Variants in HMCN2 observed in about 807,000 individuals in gnomAD.
HMCN2 encodes the protein hemicentin 2, also known as hemicentin-2.
A neutral mutation model predicts 377.5 loss-of-function variants in HMCN2; 325 were observed. The ratio of observed to expected loss-of-function variants is 0.86; its 90% confidence interval spans 0.79 to 0.94. The LOEUF is 0.94. HMCN2 is among the 40% of genes least tolerant of loss of function. The pLI is 0.00. For missense variants in HMCN2, 4,543 were observed against 4,725.3 expected (o/e 0.96, Z 1.13); for synonymous variants, 2,007 against 2,046.8 (o/e 0.98, Z 0.53).
At chr9:130,297,535 G>T (rs1443143803) in intron 7 of HMCN2, among the ~76,000 whole-genome samples, 1 of 152,196 alleles carries the variant, frequency 6.6e-6, no homozygotes, top group Non-Finnish European at 1.5e-5. Flanking sequence ...GGGCCATTTG[G>T]AGACTTTTGC....
In HMCN2 at chr9:130,398,638, C is replaced by A. The variant is rs1029964527; in HGVS notation, c.11414C>A (p.Pro3805His). ...ALLPCEASGS[P>H]KPLVVWWKDG... ...CTGCCCTGCGAGGCCAGCGGCTCCC[C>A]TAAGCCCCTGGTGGTCTGGTGGAAG... is the stretch of plus-strand genomic sequence containing the variant. Residue 3805 changes from proline to histidine, a missense_variant, in exon 75 of 98, where the codon CCT (proline) becomes CAT (histidine). By Grantham distance (77) the Pro-to-His change is moderately conservative (BLOSUM62 -2). This residue lies in a region of HMCN2 where 1,073 missense variants were observed against 1,319.5 expected (regional missense o/e 0.81). Coordinates refer to ENST00000683500, the MANE Select transcript of HMCN2 (RefSeq NM_001291815.2). 11 of 1,289,410 alleles carry A rather than the reference C, an allele frequency of 8.5e-6. No individual in the cohort carries two copies. The African/African-American group carries it at 1.5e-4, about 18-fold the overall frequency. 79.9% of individuals were successfully genotyped at this position (1,289,410 alleles called of 1,614,324 possible).
At position 130,395,337 on chromosome 9, in the gene HMCN2, T is replaced by C. The variant is rs1277498269; in HGVS notation, c.10901T>C (p.Ile3634Thr). 7.8e-7 allele frequency: 1 copy of C among 1,288,376 alleles called. No homozygotes were observed. Among genetic ancestry groups the C allele is most frequent in the Non-Finnish European group, 1.0e-6 (1 of 988,200 alleles). 79.8% of individuals were successfully genotyped at this position (1,288,376 alleles called of 1,614,324 possible). A position where few individuals can be genotyped will look rare whatever the true frequency, so the allele number is the denominator to read the frequency against. Residue 3634 changes from isoleucine (I) to threonine (T), a missense_variant, in exon 71 of 98, where the codon ATT becomes ACT. Physicochemically the swap from Ile to Thr is moderately conservative, Grantham distance 89. Coordinates refer to ENST00000683500, the MANE Select transcript of HMCN2 (RefSeq NM_001291815.2). ...APKITWHRDGIVLQEDAHTQF... is the reference protein window; with the variant it reads ...APKITWHRDGTVLQEDAHTQF... Reference sequence around the variant, plus strand: ...AAGATCACGTGGCACCGAGACGGCATTGTGCTGCAGGTGGGCGCCAGGCAG... The same window carrying C: ...AAGATCACGTGGCACCGAGACGGCACTGTGCTGCAGGTGGGCGCCAGGCAG...
chr9:130,323,159 C>A (rs1040635447), intron 19 of HMCN2, among the ~76,000 whole-genome samples: 108 of 152,318 alleles, frequency 7.1e-4, no homozygotes, highest in African/African-American at 2.5e-3. Context: ...TTCTGTGGGG[C>A]TAACATGAAC....
intron 25 of HMCN2, among the ~76,000 whole-genome samples, chr9:130,342,706 G>A (rs1486883913): frequency 1.3e-5 from 2 of 152,142 alleles, no homozygotes; most frequent in East Asian, 3.9e-4. Flanking sequence ...GGACAAGTGT[G>A]ACCCCTGCCC....
At chr9:130,295,896 G>A (rs1836119874) in intron 6 of HMCN2, 124 bp downstream of exon 6, 1 of 392,896 alleles carries the variant, frequency 2.5e-6, no homozygotes, top group South Asian at 1.9e-5. Context: ...GGGTGGTGAT[G>A]TGGTCGTATC....
chr9:130,433,854 C>A lies in HMCN2; in HGVS notation c.*161C>A, dbSNP rs895980886. The A allele has an allele frequency of 9.6e-6, 6 of 624,526 alleles. No individual in the cohort carries two copies. The Admixed American group carries it at 1.7e-4, about 17-fold the overall frequency. 38.7% of individuals were successfully genotyped at this position (624,526 alleles called of 1,614,324 possible). A position where few individuals can be genotyped will look rare whatever the true frequency, so the allele number is the denominator to read the frequency against. ...AACACGACCCTGCGCACAGCCTTGA[C>A]CCCCGACAGCGAGGACCTGACCTCA... On this transcript the variant is annotated 3_prime_UTR_variant, in exon 98 of 98. Transcript: ENST00000683500.
Position 130,430,368 on chromosome 9 carries a change from C to T in HMCN2, c.14411C>T (p.Pro4804Leu), listed in dbSNP as rs745796380. 133 of 1,549,750 alleles carry T rather than the reference C, an allele frequency of 8.6e-5. No individual in the cohort carries two copies. The African/African-American group carries it at 1.6e-3, about 18-fold the overall frequency. The change falls in exon 95 of 98, where the codon CCA (proline) becomes CTA (leucine). Residue 4804 changes from proline (P) to leucine (L), a missense_variant. Pro to Leu is a moderately conservative substitution (Grantham distance 98). This residue lies in a region of HMCN2 where 1,155 missense variants were observed against 1,157.7 expected (regional missense o/e 1.00). Coordinates refer to ENST00000683500, the MANE Select transcript of HMCN2 (RefSeq NM_001291815.2). ...GGCAGCTACCGCTGCCTGTGCCCCC[C>T]AGGCCAGACCCTCCTTCGCGACGGC... The part of the protein sequence containing the change: ...LQGSYRCLCP[P>L]GQTLLRDGKA...
intron 19 of HMCN2, among the ~76,000 whole-genome samples, chr9:130,322,637 A>G (rs999929906): frequency 0.88 from 133,968 of 152,222 alleles, 59,283 homozygotes; most frequent in East Asian, 0.97. Context: ...CCTCGTACCT[A>G]CACATTGTAG....
Position 130,358,063 on chromosome 9 carries a change from ACT to A in HMCN2, c.5580+78_5580+79del, listed in dbSNP as rs1369159971. ...GGGCTGCTCTGGGGGCTTCCTGGAGACTCTGAGCAAATCCCAGCAGGCTGGGC... is the reference window on the plus strand; with the variant it reads ...GGGCTGCTCTGGGGGCTTCCTGGAGACTGAGCAAATCCCAGCAGGCTGGGC... On this transcript the variant is annotated intron_variant, in intron 35 of 97. Coordinates refer to ENST00000683500, the MANE Select transcript of HMCN2 (RefSeq NM_001291815.2). 7 of 1,188,156 alleles carry A rather than the reference ACT, an allele frequency of 5.9e-6. No homozygotes were observed. The Admixed American group carries it at 8.6e-5, about 15-fold the overall frequency. The allele number at this position is 1,188,156 out of a possible 1,614,324, so 73.6% of individuals were successfully genotyped here.
At chr9:130,399,379 A>C in intron 75 of HMCN2, 132 bp from the exon 76 acceptor site, 10 of 1,068,626 alleles carry the variant, frequency 9.4e-6, no homozygotes, top group Non-Finnish European at 1.2e-5. Flanking sequence ...AACTTCTAGA[A>C]GACATTTCTA....
chr9:130,418,609 G>A (rs1283286865), intron 85 of HMCN2, among the ~76,000 whole-genome samples, 163 bp from the exon 86 acceptor site: 1 of 152,216 alleles, frequency 6.6e-6, no homozygotes, highest in African/African-American at 2.4e-5. Context: ...ACAGTGTCTA[G>A]AGGGAAATAT....
At chr9:130,359,201 G>C (rs1840223529) in intron 36 of HMCN2, 118 bp from the exon 37 acceptor site, 1 of 411,262 alleles carries the variant, frequency 2.4e-6, no homozygotes, top group Non-Finnish European at 4.4e-6. Context: ...AGCTGTTTTA[G>C]AGCCCTTAGT....
intron 1 of HMCN2, among the ~76,000 whole-genome samples, chr9:130,282,608 C>T (rs550864736): frequency 2.5e-4 from 38 of 152,236 alleles, no homozygotes; most frequent in Non-Finnish European, 4.3e-4. Context: ...GCCGGGGCCA[C>T]GGGGGAAGCT....
chr9:130,310,535 G>A (rs1255100749), intron 15 of HMCN2, among the ~76,000 whole-genome samples: 1 of 152,202 alleles, frequency 6.6e-6, no homozygotes, highest in Non-Finnish European at 1.5e-5. Context: ...CATCGCTTCT[G>A]CCCTATTCTT....
chr9:130,352,453 C>T (rs749396556), intron 30 of HMCN2, among the ~76,000 whole-genome samples: 16 of 152,204 alleles, frequency 1.1e-4, no homozygotes, highest in South Asian at 8.3e-4. Context: ...TGCTGTAACC[C>T]GGATAGAAGG....
intron 85 of HMCN2, among the ~76,000 whole-genome samples, chr9:130,412,186 G>A (rs965061503): frequency 6.6e-6 from 1 of 152,198 alleles, no homozygotes; most frequent in Admixed American, 6.5e-5. Context: ...TGGCCAGGCT[G>A]CTCTTGAACT....
At chr9:130,425,947 C>G (rs1844327518) in intron 90 of HMCN2, 23 bp downstream of exon 90, 2 of 1,512,668 alleles carry the variant, frequency 1.3e-6, no homozygotes, top group African/African-American at 2.8e-5. Flanking sequence ...TGCTTTGTTC[C>G]ACCCCCACTG....
rs36183535 is a variant in HMCN2, at chr9:130,339,675, A to T, written c.3488-1436A>T. Among the ~76,000 whole-genome samples, 6 of 152,166 alleles carry T rather than the reference A, an allele frequency of 3.9e-5. No individual in the cohort carries two copies. In the South Asian group the frequency reaches 1.2e-3, roughly 32 times the overall value. ...TTGTGGGCATTGAATGCTCAGAACAATGGAAGCTGTTATTGTTTTCAGCGG... is the reference window on the plus strand; with the variant it reads ...TTGTGGGCATTGAATGCTCAGAACATTGGAAGCTGTTATTGTTTTCAGCGG... On this transcript the variant is annotated intron_variant, in intron 23 of 97. Transcript: ENST00000683500.
At chr9:130,315,927 C>T (rs1837540395) in intron 15 of HMCN2, among the ~76,000 whole-genome samples, 1 of 152,294 alleles carries the variant, frequency 6.6e-6, no homozygotes, top group East Asian at 1.9e-4. Flanking sequence ...TCCATCACCT[C>T]TCAGAAGCCC....
Sources: gnomAD v4.1 joint callset for allele counts (sites outside exome capture counted in the v4.1 genomes callset) on GRCh38, gnomAD v4.1.1 for gene constraint, gnomAD v4.1.1 regional missense constraint, MANE v1.5 for transcripts, NCBI Gene and HGNC (gene_info 2026-07-23, HGNC 2026-07-21) for gene names.